KIAA0319: variants seen among roughly 807,000 people sequenced by gnomAD.
The protein encoded by KIAA0319 is dyslexia-associated protein KIAA0319.
Under a neutral mutation model 108.4 loss-of-function variants are expected in KIAA0319, and 83 were observed. The ratio of observed to expected loss-of-function variants is 0.77; its 90% confidence interval spans 0.64 to 0.92. KIAA0319 has a LOEUF of 0.92. Among genes scored for constraint, KIAA0319 ranks in the 40% least tolerant of loss-of-function variants. KIAA0319 has a pLI of 0.00. For missense variants in KIAA0319, 1,195 were observed against 1,322.4 expected (o/e 0.90, Z 1.49); for synonymous variants, 484 against 510.4 (o/e 0.95, Z 0.70).
In KIAA0319 at chr6:24,593,853, G is replaced by T. The variant is rs76091742; in HGVS notation, c.801+2020C>A. Among the ~76,000 whole-genome samples, 76 of 152,050 alleles carry T rather than the reference G, an allele frequency of 5.0e-4. 1 individual carries two copies. Among genetic ancestry groups the T allele is most frequent in the African/African-American group, 1.6e-3 (67 of 41,478 alleles). ...AGAGTAAATTATTTTAATATTTACT[G>T]ATATGAATAAAGAACATGGTTAATC... is the stretch of plus-strand genomic sequence containing the variant. On this transcript the variant is annotated intron_variant, in intron 3 of 20. Transcript: ENST00000378214.
chr6:24,612,510 G>A (rs1025122154), intron 1 of KIAA0319, among the ~76,000 whole-genome samples: 10 of 152,076 alleles, frequency 6.6e-5, no homozygotes, highest in Admixed American at 5.2e-4. Context: ...AACCAAATGT[G>A]TGTCAGCAGA....
intron 20 of KIAA0319, among the ~76,000 whole-genome samples, chr6:24,548,133 A>G (rs1295857027): frequency 6.6e-6 from 1 of 152,224 alleles, no homozygotes; most frequent in African/African-American, 2.4e-5. Flanking sequence ...TTAGGAGATA[A>G]GCACATATAC....
chr6:24,600,766 G>T, intron 2 of KIAA0319: 2 of 947,810 alleles, frequency 2.1e-6, no homozygotes, highest in Non-Finnish European at 3.1e-6. Flanking sequence ...TTTCCAGCCA[G>T]ATCTAGTATG....
intron 1 of KIAA0319, among the ~76,000 whole-genome samples, chr6:24,630,520 AAAAAAAAAAAAGAAAGAACG>A (rs1425009896): frequency 1.3e-5 from 2 of 149,566 alleles, no homozygotes; most frequent in African/African-American, 4.9e-5. Context: ...AAAAAAAAAA[AAAAAAAAAAAAGAAAGAACG>A]AAAGAAAAAA....
intron 11 of KIAA0319, among the ~76,000 whole-genome samples, chr6:24,572,211 G>A (rs1248589517): frequency 1.3e-5 from 2 of 152,176 alleles, no homozygotes; most frequent in Non-Finnish European, 2.9e-5. Context: ...AACTATTAAT[G>A]AACAGTGACA....
chr6:24,625,123 T>C (rs987841010), intron 1 of KIAA0319, among the ~76,000 whole-genome samples: 3 of 152,176 alleles, frequency 2.0e-5, no homozygotes, highest in African/African-American at 4.8e-5. Flanking sequence ...TAACTTCTGT[T>C]TTTTTTATTT....
intron 19 of KIAA0319, among the ~76,000 whole-genome samples, chr6:24,553,294 T>C (rs2760176): frequency 0.029 from 2,682 of 91,038 alleles, 71 homozygotes; most frequent in East Asian, 0.1. Context: ...TATATATATA[T>C]ACACACACAC....
chr6:24,631,753 A>G (rs1775611962), intron 1 of KIAA0319, among the ~76,000 whole-genome samples: 1 of 152,224 alleles, frequency 6.6e-6, no homozygotes, highest in Non-Finnish European at 1.5e-5. Context: ...CTGCTATCTA[A>G]GTAGGTGCTT....
intron 3 of KIAA0319, among the ~76,000 whole-genome samples, chr6:24,592,544 T>C (rs1768662335): frequency 6.6e-6 from 1 of 152,170 alleles, no homozygotes; most frequent in African/African-American, 2.4e-5. Flanking sequence ...GGGATTACAG[T>C]TGTGCATCAG....
intron 12 of KIAA0319, 87 bp downstream of exon 12, chr6:24,569,816 T>C: frequency 6.7e-7 from 1 of 1,491,258 alleles, no homozygotes; most frequent in Non-Finnish European, 9.1e-7. Flanking sequence ...ATGCGCAAGC[T>C]GATTGTTTAC....
chr6:24,591,191 G>A (rs549790413), intron 3 of KIAA0319, among the ~76,000 whole-genome samples: 103 of 152,204 alleles, frequency 6.8e-4, no homozygotes, highest in African/African-American at 2.3e-3. Flanking sequence ...GAACATTCAT[G>A]TACAAGTTTC....
At chr6:24,618,099 TCTC>T (rs1773418277) in intron 1 of KIAA0319, among the ~76,000 whole-genome samples, 1 of 152,050 alleles carries the variant, frequency 6.6e-6, no homozygotes, top group African/African-American at 2.4e-5. Flanking sequence ...CAGATAAACT[TCTC>T]CTTCAAGAAT....
chr6:24,580,186 CAAT>C (rs1360089085), intron 7 of KIAA0319, among the ~76,000 whole-genome samples: 2 of 152,114 alleles, frequency 1.3e-5, no homozygotes, highest in African/African-American at 4.8e-5. Context: ...TGAAGATGTA[CAAT>C]AATAACCAAG....
At chr6:24,617,223 T>C (rs1172298370) in intron 1 of KIAA0319, among the ~76,000 whole-genome samples, 9 of 152,066 alleles carry the variant, frequency 5.9e-5, no homozygotes, top group African/African-American at 2.2e-4. Context: ...AATATTAGGA[T>C]ATGATTAAAC....
chr6:24,568,922 T>C lies in KIAA0319; in HGVS notation c.1999A>G (p.Ser667Gly). ...TCAATATTTTCCATCTCCACTGCAC[T>C]GGGGCCTCTATAAAACATAGAAGTG... is the stretch of plus-strand genomic sequence containing the variant. Reference protein sequence around the residue: ...FYHWEHVRGPSAVEMENIDKA... With the variant: ...FYHWEHVRGPGAVEMENIDKA... Residue 667 changes from serine (S) to glycine (G), a missense_variant, in exon 13 of 21, where the codon AGT (serine) becomes GGT (glycine). By Grantham distance (56) the Ser-to-Gly change is moderately conservative. Coordinates refer to ENST00000378214, the MANE Select transcript of KIAA0319 (RefSeq NM_014809.4). 1.2e-6 allele frequency: 2 copies of C among 1,614,118 alleles called. No homozygotes were observed. The highest frequency in any genetic ancestry group is 1.7e-6 in the Non-Finnish European group (2 of 1,179,960).
At chr6:24,568,757 C>T in intron 13 of KIAA0319, 24 bp downstream of exon 13, 2 of 1,610,372 alleles carry the variant, frequency 1.2e-6, no homozygotes, top group Non-Finnish European at 1.7e-6. Context: ...CAGGCCCAGC[C>T]CTGTCCACCT....
chr6:24,624,004 ATTTC>A (rs1344132892), intron 1 of KIAA0319, among the ~76,000 whole-genome samples: 34 of 134,122 alleles, frequency 2.5e-4, no homozygotes, highest in South Asian at 7.4e-4. Flanking sequence ...ATAATTTTGA[ATTTC>A]TTTGTTTTCT....
intron 1 of KIAA0319, among the ~76,000 whole-genome samples, chr6:24,630,149 A>G (rs1775332389): frequency 6.6e-6 from 1 of 151,912 alleles, no homozygotes; most frequent in Non-Finnish European, 1.5e-5. Flanking sequence ...ACTGCACTCT[A>G]GCCTGGGTGA....
intron 1 of KIAA0319, among the ~76,000 whole-genome samples, chr6:24,632,215 G>A (rs1024831423): frequency 5.3e-5 from 8 of 152,056 alleles, no homozygotes; most frequent in Admixed American, 1.3e-4. Flanking sequence ...ATTCATCATC[G>A]CCATTATCAA....
Sources: allele counts gnomAD v4.1 joint callset (sites outside exome capture counted in the v4.1 genomes callset), GRCh38; gene constraint gnomAD v4.1.1; transcripts MANE v1.5; gene names NCBI Gene and HGNC (gene_info 2026-07-23, HGNC 2026-07-21).